The following PIBF1 variants were observed in gnomAD, a reference collection of about 807,000 sequenced individuals.
PIBF1 encodes progesterone-induced-blocking factor 1.
In PIBF1, 90 loss-of-function variants were observed where a neutral mutation model predicts 112.5. The ratio of observed to expected loss-of-function variants is 0.80; its 90% CI spans 0.67 to 0.95. The LOEUF (loss-of-function observed/expected upper bound fraction) is 0.95, where lower values mean the gene tolerates loss of function less well. Ranked by LOEUF, PIBF1 falls within the 40% of genes least tolerant of loss-of-function variation. PIBF1 has a pLI of 0.00. For missense variants in PIBF1, 915 were observed against 852.3 expected, an observed-to-expected ratio of 1.07 and a Z score of -0.92; for synonymous variants, 301 against 288.6, an observed-to-expected ratio of 1.04 and a Z score of -0.44.
chr13:72,808,662 A>G (rs2035857305), intron 5 of PIBF1, among the ~76,000 whole-genome samples: 1 of 152,162 alleles, frequency 6.6e-6, no homozygotes, highest in South Asian at 2.1e-4. Context: ...GAGGGTAGCC[A>G]GATACTTAAG....
At chr13:72,955,457 T>A (rs1355647509) in intron 14 of PIBF1, among the ~76,000 whole-genome samples, 2 of 152,146 alleles carry the variant, frequency 1.3e-5, no homozygotes, top group African/African-American at 4.8e-5. Flanking sequence ...ATGACTTATT[T>A]ATAAATTATA....
chr13:72,914,303 T>G (rs2041008336), intron 12 of PIBF1, among the ~76,000 whole-genome samples: 1 of 152,138 alleles, frequency 6.6e-6, no homozygotes, highest in Non-Finnish European at 1.5e-5. Flanking sequence ...GATATTTGAG[T>G]TTAGTTTTCA....
chr13:72,881,908 A>G (rs1339851057), intron 10 of PIBF1, among the ~76,000 whole-genome samples: 9 of 152,066 alleles, frequency 5.9e-5, no homozygotes. Flanking sequence ...TAGTATACCA[A>G]TGACATTCTT....
At chr13:72,952,371 T>C (rs2042323329) in intron 14 of PIBF1, among the ~76,000 whole-genome samples, 1 of 152,072 alleles carries the variant, frequency 6.6e-6, no homozygotes, top group South Asian at 2.1e-4. Flanking sequence ...AATTTCTTTA[T>C]GTTGGTTTTC....
At chr13:72,895,808 A>G (rs1214574519) in intron 11 of PIBF1, among the ~76,000 whole-genome samples, 1 of 152,148 alleles carries the variant, frequency 6.6e-6, no homozygotes, top group Non-Finnish European at 1.5e-5. Flanking sequence ...CCTCTGAAGG[A>G]AGCGGACTGC....
At chr13:72,993,257 G>A (rs905052604) in intron 16 of PIBF1, among the ~76,000 whole-genome samples, 7 of 151,982 alleles carry the variant, frequency 4.6e-5, no homozygotes, top group Non-Finnish European at 8.8e-5. Flanking sequence ...CCCAGGAGGC[G>A]GAGGTTGTAG....
At chr13:73,013,731 C>CAAAAAAAAAAAAAAAA (rs113104076) in intron 17 of PIBF1, among the ~76,000 whole-genome samples, 1 of 113,058 alleles carries the variant, frequency 8.8e-6, no homozygotes, top group Non-Finnish European at 1.9e-5. Flanking sequence ...GAGCCTATCT[C>CAAAAAAAAAAAAAAAA]AAAAAAAAAA....
intron 14 of PIBF1, among the ~76,000 whole-genome samples, chr13:72,955,553 T>A (rs2042422315): frequency 6.6e-6 from 1 of 152,100 alleles, no homozygotes; most frequent in Non-Finnish European, 1.5e-5. Flanking sequence ...GTGACTATAA[T>A]TTTTTTCGTT....
chr13:72,985,458 G>A (rs9318131), intron 16 of PIBF1, among the ~76,000 whole-genome samples: 4,218 of 150,850 alleles, frequency 0.028, 79 homozygotes, highest in Middle Eastern at 0.06. Context: ...GAGAATGGCT[G>A]AACCCGGGAG....
intron 1 of PIBF1, among the ~76,000 whole-genome samples, chr13:72,782,579 C>T (rs968369325): frequency 6.6e-6 from 1 of 152,120 alleles, no homozygotes; most frequent in African/African-American, 2.4e-5. Context: ...CCTCCACACA[C>T]CTTTCCTTAT....
chr13:72,907,866 A>G (rs930209103), intron 11 of PIBF1, among the ~76,000 whole-genome samples: 1 of 152,040 alleles, frequency 6.6e-6, no homozygotes, highest in Non-Finnish European at 1.5e-5. Context: ...TGTTGTCATC[A>G]TGGTGTTTCC....
At position 72,936,523 on chromosome 13, in the gene PIBF1, A is replaced by G. The variant is rs768602389; in HGVS notation, c.1833+5256A>G. On this transcript the variant is annotated intron_variant, in intron 14 of 17. Coordinates refer to ENST00000326291, the MANE Select transcript of PIBF1 (RefSeq NM_006346.4). ...GATTCATTTTTAGTTTAATTTTTAT[A>G]CTGAGTGGAAGATATAGATTGAAAT... Among the ~76,000 whole-genome samples, 50 of 152,200 alleles carry G rather than the reference A, an allele frequency of 3.3e-4. 1 individual carries two copies. Among genetic ancestry groups the G allele is most frequent in the Non-Finnish European group, 1.0e-4 (7 of 68,036 alleles).
chr13:72,808,233 C>T (rs1188604740), intron 5 of PIBF1, among the ~76,000 whole-genome samples: 1 of 152,028 alleles, frequency 6.6e-6, no homozygotes, highest in African/African-American at 2.4e-5. Context: ...GCTTTTATTT[C>T]TCTATTTGTT....
intron 11 of PIBF1, among the ~76,000 whole-genome samples, chr13:72,904,058 C>T: frequency 6.6e-6 from 1 of 151,670 alleles, no homozygotes; most frequent in Non-Finnish European, 1.5e-5. Context: ...ATGGAAGTAT[C>T]CTTTCCCAAA....
intron 6 of PIBF1, among the ~76,000 whole-genome samples, chr13:72,826,640 A>T (rs918300408): frequency 5.8e-4 from 87 of 149,208 alleles, no homozygotes; most frequent in African/African-American, 2.0e-3. Context: ...TTTTTTTTTT[A>T]CCTTAACTGA....
chr13:72,924,066 T>C (rs2041396928), intron 13 of PIBF1, among the ~76,000 whole-genome samples: 1 of 152,194 alleles, frequency 6.6e-6, no homozygotes, highest in African/African-American at 2.4e-5. Context: ...AGTTCTTCAT[T>C]TGTCTTGTTT....
At chr13:73,004,496 A>AG (rs1199603208) in intron 17 of PIBF1, among the ~76,000 whole-genome samples, 1 of 92,490 alleles carries the variant, frequency 1.1e-5, no homozygotes, top group Non-Finnish European at 2.4e-5. Context: ...TCTCAAAAAA[A>AG]AAAAAAAAGA....
chr13:72,889,724 C>A (rs1334478555), intron 10 of PIBF1, among the ~76,000 whole-genome samples: 1 of 152,144 alleles, frequency 6.6e-6, no homozygotes, highest in African/African-American at 2.4e-5. Context: ...GCCTCAGCTG[C>A]TGCACTATCT....
At position 72,832,071 on chromosome 13, in the gene PIBF1, C is replaced by CTTTTTTTTTTTTTTTTTTTT. The variant is rs1491281184; in HGVS notation, c.1098-3172_1098-3171insTTTTTTTTTTTTTTTTTTTT. Among the ~76,000 whole-genome samples, 10 of 59,492 alleles carry CTTTTTTTTTTTTTTTTTTTT rather than the reference C, an allele frequency of 1.7e-4. 3 individuals are homozygous for CTTTTTTTTTTTTTTTTTTTT. Among genetic ancestry groups the CTTTTTTTTTTTTTTTTTTTT allele is most frequent in the African/African-American group, 4.5e-4 (8 of 17,818 alleles). 39.0% of individuals were successfully genotyped at this position (59,492 alleles called of 152,430 possible). Reference sequence around the variant, plus strand: ...TCAGAGATTAGAATTGCAATTCCGGCCTTTTTTTTTTTTTTTTTTTTTTTT... The same window carrying CTTTTTTTTTTTTTTTTTTTT: ...TCAGAGATTAGAATTGCAATTCCGGCTTTTTTTTTTTTTTTTTTTTCTTTTTTTTTTTTTTTTTTTTTTTT... On this transcript the variant is annotated intron_variant, in intron 8 of 17. Transcript: ENST00000326291.
Sources: allele counts gnomAD v4.1 joint callset (sites outside exome capture counted in the v4.1 genomes callset), GRCh38; gene constraint gnomAD v4.1.1; transcripts MANE v1.5; gene names NCBI Gene and HGNC (gene_info 2026-07-23, HGNC 2026-07-21).